The following ILDR1 variants were observed in gnomAD, a reference collection of about 807,000 sequenced individuals.
ILDR1 encodes the protein immunoglobulin-like domain-containing receptor 1.
ILDR1 carries 56 observed loss-of-function variants against 62.4 expected under a neutral mutation model. That is an observed-to-expected ratio of 0.90 (90% CI 0.72 to 1.12). The LOEUF (loss-of-function observed/expected upper bound fraction) is 1.12, where lower values mean the gene tolerates loss of function less well. Ranked by LOEUF, ILDR1 falls within the 50% of genes most tolerant of loss-of-function variation. The pLI is 0.00. For synonymous variants in ILDR1, 284 were observed against 277.8 expected, an observed-to-expected ratio of 1.02 and a Z score of -0.22; for missense variants, 736 against 710.6, an observed-to-expected ratio of 1.04 and a Z score of -0.41.
chr3:122,045,786 T>C, the ILDR1 span, among the ~76,000 whole-genome samples: 8 of 149,468 alleles, frequency 5.4e-5, no homozygotes, highest in East Asian at 3.9e-4. Flanking sequence ...TCTTCCTCCA[T>C]CCTTTTATTT....
the ILDR1 span, among the ~76,000 whole-genome samples, chr3:122,039,971 G>C: frequency 6.6e-6 from 1 of 151,846 alleles, no homozygotes; most frequent in Non-Finnish European, 1.5e-5. Context: ...TAATTACTAT[G>C]ACTTTTGAAG....
intron 1 of ILDR1, among the ~76,000 whole-genome samples, chr3:122,008,583 CTTTTCTTTTCTTTTTTTT>C (rs1209290521): frequency 3.0e-5 from 2 of 66,224 alleles, no homozygotes; most frequent in African/African-American, 3.9e-5. Context: ...CTTTTCTTTT[CTTTTCTTTTCTTTTTTTT>C]TTTTTTTTTT....
intron 1 of ILDR1, among the ~76,000 whole-genome samples, chr3:122,010,645 C>G (rs896396401): frequency 6.6e-6 from 1 of 152,120 alleles, no homozygotes; most frequent in African/African-American, 2.4e-5. Context: ...TCTTCCAGAA[C>G]TGACCTGAAA....
At chr3:122,044,423 T>A in the ILDR1 span, among the ~76,000 whole-genome samples, 33 of 146,174 alleles carry the variant, frequency 2.3e-4, no homozygotes, top group African/African-American at 8.6e-4. Context: ...AGAATGATGC[T>A]GGCCTCATAA....
chr3:121,988,176 G>A lies in ILDR1; in HGVS notation c.*191C>T, dbSNP rs1047474505. ...GATTCTTAGCCTCCCAAAGTGCTGT[G>A]ATTACAGGTGTGAGCCACTATACCC... On this transcript the variant is annotated 3_prime_UTR_variant, in exon 8 of 8. Transcript: ENST00000344209. The A allele has an allele frequency of 1.5e-6, 1 of 668,452 alleles. No homozygotes were observed. Among genetic ancestry groups the A allele is most frequent in the Non-Finnish European group, 2.8e-6 (1 of 361,926 alleles). 41.4% of individuals were successfully genotyped at this position (668,452 alleles called of 1,614,324 possible).
chr3:122,002,806 T>C (rs969520203), intron 3 of ILDR1, among the ~76,000 whole-genome samples: 4 of 152,250 alleles, frequency 2.6e-5, no homozygotes, highest in East Asian at 3.9e-4. Context: ...GTGTGTATTG[T>C]TCCCCCCATG....
At chr3:122,046,045 A>T in the ILDR1 span, among the ~76,000 whole-genome samples, 1 of 148,302 alleles carries the variant, frequency 6.7e-6, no homozygotes, top group Admixed American at 6.7e-5. Context: ...ATGATTTTGC[A>T]GCGGCTGGTA....
chr3:122,022,047 G>C lies in ILDR1; in HGVS notation c.31C>G (p.Leu11Val), dbSNP rs770157091. Residue 11 changes from leucine (L) to valine (V), a missense_variant, in exon 1 of 8, where the codon CTG (leucine) becomes GTG (valine). Transcript: ENST00000344209. ...GCTGGGAGCCAGGTGCAGAGCAGCA[G>C]CCAAGGTGCGGGCAGTTTGGGCCAT... MAWPKLPAPW[L>V]LLCTWLPAGC... 2.6e-5 allele frequency: 42 copies of C among 1,611,652 alleles called. No homozygotes were observed. The South Asian group carries it at 4.4e-4, about 17-fold the overall frequency.
upstream of ILDR1, among the ~76,000 whole-genome samples, chr3:122,026,065 T>A (rs2071919640): frequency 6.6e-6 from 1 of 152,030 alleles, no homozygotes; most frequent in African/African-American, 2.4e-5. Context: ...AGCTGAACAA[T>A]AAGCACTTAA....
At chr3:122,033,199 G>C in the ILDR1 span, among the ~76,000 whole-genome samples, 1 of 152,024 alleles carries the variant, frequency 6.6e-6, no homozygotes, top group African/African-American at 2.4e-5. Flanking sequence ...GTGGGTGTGA[G>C]ATGGTATTTT....
chr3:122,020,218 C>G (rs1362522802), intron 1 of ILDR1, among the ~76,000 whole-genome samples: 1 of 152,196 alleles, frequency 6.6e-6, no homozygotes, highest in East Asian at 1.9e-4. Flanking sequence ...TTAAGCTTTC[C>G]CTCACTTTGT....
At chr3:122,030,623 T>TTCTCTC in the ILDR1 span, among the ~76,000 whole-genome samples, 488 of 147,614 alleles carry the variant, frequency 3.3e-3, 5 homozygotes, top group South Asian at 0.022. Flanking sequence ...GCAAGGGTTT[T>TTCTCTC]TCTCTCTCTC....
chr3:122,046,906 T>C, the ILDR1 span, among the ~76,000 whole-genome samples: 1 of 142,164 alleles, frequency 7.0e-6, no homozygotes, highest in Non-Finnish European at 1.5e-5. Context: ...TCTGAAGCCT[T>C]TTTCTCTCAG....
chr3:121,998,778 C>G (rs769753582), intron 5 of ILDR1, among the ~76,000 whole-genome samples: 2 of 152,122 alleles, frequency 1.3e-5, no homozygotes, highest in Non-Finnish European at 2.9e-5. Flanking sequence ...GGGGGCCCCA[C>G]AGTCCAATGC....
At chr3:122,057,759 C>T in the ILDR1 span, among the ~76,000 whole-genome samples, 2 of 152,296 alleles carry the variant, frequency 1.3e-5, no homozygotes, top group African/African-American at 4.8e-5. Context: ...AAAATACACC[C>T]ACTCTACCCA....
At chr3:122,005,211 C>CCCCCCTT in intron 3 of ILDR1, 33 bp downstream of exon 3, 1 of 1,240,078 alleles carries the variant, frequency 8.1e-7, no homozygotes, top group Non-Finnish European at 1.2e-6. Flanking sequence ...CTCCCCCCAC[C>CCCCCCTT]CCCAGTTCCC....
intron 1 of ILDR1, among the ~76,000 whole-genome samples, chr3:122,008,657 G>A (rs576614712): frequency 5.5e-5 from 8 of 144,418 alleles, no homozygotes; most frequent in African/African-American, 7.9e-5. Flanking sequence ...GCAATGGCAC[G>A]ATCTCAGCTC....
rs1280509307 is a variant in ILDR1, at chr3:122,022,207, G to T, written c.-130C>A. On this transcript the variant is annotated 5_prime_UTR_variant, in exon 1 of 8. Coordinates refer to ENST00000344209, the MANE Select transcript of ILDR1 (RefSeq NM_001199799.2). ...GGGTTTCCCCTCCCTCGGCGCAGCG[G>T]GGAGGGAGCGTCCGCTCTGGTCCCG... 1.3e-6 allele frequency: 1 copy of T among 783,310 alleles called. No individual in the cohort carries two copies. The highest frequency in any genetic ancestry group is 2.0e-6 in the Non-Finnish European group (1 of 497,564). The allele number at this position is 783,310 out of a possible 1,614,324, so 48.5% of individuals were successfully genotyped here.
chr3:122,048,100 T>G, the ILDR1 span, among the ~76,000 whole-genome samples: 372 of 152,366 alleles, frequency 2.4e-3, no homozygotes, highest in African/African-American at 8.7e-3. Context: ...ACATATCCCC[T>G]TTATTATGTT....
Sources: allele counts gnomAD v4.1 joint callset (sites outside exome capture counted in the v4.1 genomes callset), GRCh38; gene constraint gnomAD v4.1.1; transcripts MANE v1.5; gene names NCBI Gene and HGNC (gene_info 2026-07-23, HGNC 2026-07-21).